Variants in BAHCC1 observed in about 807,000 individuals in gnomAD.
The protein encoded by BAHCC1 is BAH and coiled-coil domain-containing protein 1.
In BAHCC1, 43 loss-of-function variants were observed where a neutral mutation model predicts 88.2. That is an observed-to-expected ratio of 0.49 (90% CI 0.38 to 0.63). BAHCC1 has a LOEUF of 0.63. Among genes scored for constraint, BAHCC1 ranks in the 20% least tolerant of loss-of-function variants. BAHCC1 has a pLI of 0.00. For missense variants in BAHCC1, 3,023 were observed against 1,654.8 expected, an observed-to-expected ratio of 1.83 and a Z score of -14.34; for synonymous variants, 1,510 against 745.5, an observed-to-expected ratio of 2.03 and a Z score of -16.71.
intron 11 of BAHCC1, among the ~76,000 whole-genome samples, chr17:81,449,405 G>A (rs1339356854): frequency 1.3e-5 from 2 of 152,192 alleles, no homozygotes; most frequent in East Asian, 1.9e-4. Context: ...TAGGAGGTTG[G>A]TTTTGTCCTG....
chr17:81,400,152 C>T (rs900393589), intron 2 of BAHCC1, among the ~76,000 whole-genome samples: 1 of 151,974 alleles, frequency 6.6e-6, no homozygotes, highest in Non-Finnish European at 1.5e-5. Context: ...GAGGGGCAGC[C>T]CCGGAGCCGG....
chr17:81,419,367 G>A (rs1229868070), intron 2 of BAHCC1, among the ~76,000 whole-genome samples: 2 of 152,268 alleles, frequency 1.3e-5, no homozygotes, highest in African/African-American at 4.8e-5. Flanking sequence ...CCTGTGCAGG[G>A]CGGCTTCCTC....
At chr17:81,451,332 G>A (rs185756602) in intron 11 of BAHCC1, 58 of 279,148 alleles carry the variant, frequency 2.1e-4, no homozygotes, top group African/African-American at 9.9e-4. Flanking sequence ...CCCCCCGGTG[G>A]GGGGACACAC....
chr17:81,401,291 T>A (rs900000073), intron 2 of BAHCC1: 5 of 152,686 alleles, frequency 3.3e-5, no homozygotes, highest in Admixed American at 2.6e-4. Flanking sequence ...TGGAGGGGTC[T>A]CCCCAGCACT....
At chr17:81,423,222 C>G (rs1301688290) in intron 2 of BAHCC1, among the ~76,000 whole-genome samples, 1 of 152,014 alleles carries the variant, frequency 6.6e-6, no homozygotes, top group Non-Finnish European at 1.5e-5. Context: ...GCTGCCATGA[C>G]TGGGAGAGGC....
rs1363265985 is a variant in BAHCC1, at chr17:81,399,138, T to TGTG, written c.-206-395_-206-393dup. ...GAGGGTGTGCGTGTGAGTGTGTGTG[T>TGTG]GTGTGTGTGTGTGTGCGAGTGTGCG... On this transcript the variant is annotated intron_variant, in intron 1 of 27. Coordinates refer to ENST00000675386, the MANE Select transcript of BAHCC1 (RefSeq NM_001377448.1). This position sits in a 1 kb window ranked among gnomAD's most constrained non-coding sequence, Gnocchi z 4.5. The TGTG allele has an allele frequency of 1.4e-5, 5 of 352,888 alleles. No homozygotes were observed. Among genetic ancestry groups the TGTG allele is most frequent in the African/African-American group, 2.4e-5 (1 of 41,670 alleles). The allele number at this position is 352,888 out of a possible 1,614,324, so 21.9% of individuals were successfully genotyped here.
chr17:81,399,128 AGT>A lies in BAHCC1; in HGVS notation c.-206-382_-206-381del, dbSNP rs375191474. The A allele has an allele frequency of 9.0e-3, 2,072 of 230,494 alleles. 11 individuals are homozygous for A. Among genetic ancestry groups the A allele is most frequent in the Middle Eastern group, 0.015 (14 of 934 alleles). 14.3% of individuals were successfully genotyped at this position (230,494 alleles called of 1,614,324 possible). ...GGGGAGGGGAGAGGGTGTGCGTGTG[AGT>A]GTGTGTGTGTGTGTGTGTGTGTGCG... On this transcript the variant is annotated intron_variant, in intron 1 of 27. Coordinates refer to ENST00000675386, the MANE Select transcript of BAHCC1 (RefSeq NM_001377448.1). This position sits in a 1 kb window ranked among gnomAD's most constrained non-coding sequence, Gnocchi z 4.5.
At position 81,435,190 on chromosome 17, in the gene BAHCC1, G is replaced by A. The variant is rs1555651535; in HGVS notation, c.359-3180G>A. 1.3e-5 allele frequency among the ~76,000 whole-genome samples: 2 copies of A among 152,096 alleles called. No individual in the cohort carries two copies. The highest frequency in any genetic ancestry group is 2.9e-5 in the Non-Finnish European group (2 of 68,002). On this transcript the variant is annotated intron_variant, in intron 3 of 27. Transcript: ENST00000675386. This position sits in a 1 kb window ranked among gnomAD's most constrained non-coding sequence, Gnocchi z 4.4. ...AACCCTTGACCTCCCCAGACGTGGTGAGCTCAGGCCTGGGGGTGGTTGGGA... is the reference window on the plus strand; with the variant it reads ...AACCCTTGACCTCCCCAGACGTGGTAAGCTCAGGCCTGGGGGTGGTTGGGA...
chr17:81,457,442 C>A lies in BAHCC1; in HGVS notation c.4891C>A (p.Leu1631Ile). The A allele has an allele frequency of 1.3e-6, 1 of 772,534 alleles. No homozygotes were observed. Among genetic ancestry groups the A allele is most frequent in the South Asian group, 1.4e-5 (1 of 73,138 alleles). 47.9% of individuals were successfully genotyped at this position (772,534 alleles called of 1,614,324 possible). A position where few individuals can be genotyped will look rare whatever the true frequency, so the allele number is the denominator to read the frequency against. Residue 1631 changes from leucine (L) to isoleucine (I), a missense_variant, in exon 17 of 28, where the codon CTC (leucine) becomes ATC (isoleucine). By Grantham distance (5) the Leu-to-Ile change is conservative (BLOSUM62 2). Transcript: ENST00000675386. The stretch of plus-strand genomic sequence containing the variant: ...CTATGACAGTGAGGACTGCGAGGGT[C>A]TCCTGGGGACAGAGGCACCACCCAG... ...SGYDSEDCEG[L>I]LGTEAPPREA... is the part of the protein sequence containing the mutation.
At chr17:81,426,039 TGTGGCTCGTGGTGGTGGTGGTGGGTG>T (rs2064191108) in intron 2 of BAHCC1, among the ~76,000 whole-genome samples, 2 of 147,338 alleles carry the variant, frequency 1.4e-5, no homozygotes, top group South Asian at 2.2e-4. Flanking sequence ...TTGGTGGTGA[TGTGGCTCGTGGTGGTGGTGGTGGGTG>T]ATGTGGTTGG....
chr17:81,407,993 C>T (rs1471899606), intron 2 of BAHCC1, among the ~76,000 whole-genome samples: 4 of 152,194 alleles, frequency 2.6e-5, no homozygotes, highest in African/African-American at 2.4e-5. Flanking sequence ...CTCCTGGCTC[C>T]TGGTTCCTGG....
At position 81,418,796 on chromosome 17, in the gene BAHCC1, C is replaced by CGCGTGCAT. The variant is rs1555649116; in HGVS notation, c.179-8003_179-8002insCGTGCATG. On this transcript the variant is annotated intron_variant, in intron 2 of 27. Coordinates refer to ENST00000675386, the MANE Select transcript of BAHCC1 (RefSeq NM_001377448.1). The stretch of plus-strand genomic sequence containing the variant: ...GTGTACGTGTGTGTGTACGTGTGTG[C>CGCGTGCAT]GTGTGTGTGTGTACGTGTGTGTGTG... 4.8e-3 allele frequency among the ~76,000 whole-genome samples: 695 copies of CGCGTGCAT among 144,912 alleles called. 8 individuals carry two copies. The highest frequency in any genetic ancestry group is 0.017 in the African/African-American group (643 of 37,940).
intron 6 of BAHCC1, 196 bp downstream of exon 6, chr17:81,444,113 G>T (rs537846496): frequency 5.1e-5 from 31 of 604,098 alleles, no homozygotes; most frequent in Non-Finnish European, 6.2e-5. Context: ...TTAACCCCTT[G>T]CAGCGGTCAG....
chr17:81,423,281 TG>T (rs1319498376), intron 2 of BAHCC1, among the ~76,000 whole-genome samples: 1 of 152,106 alleles, frequency 6.6e-6, no homozygotes, highest in African/African-American at 2.4e-5. Flanking sequence ...GAAGGGGCCT[TG>T]GGGGCCCTGG....
rs782442782 is a variant in BAHCC1 at position 81,399,812 on chromosome 17, G to A, written c.73G>A (p.Ala25Thr). 1.5e-6 allele frequency: 2 copies of A among 1,314,514 alleles called. No individual in the cohort carries two copies. Among genetic ancestry groups the A allele is most frequent in the Admixed American group, 4.0e-5 (1 of 25,162 alleles). The allele number at this position is 1,314,514 out of a possible 1,614,324, so 81.4% of individuals were successfully genotyped here. A position where few individuals can be genotyped will look rare whatever the true frequency, so the allele number is the denominator to read the frequency against. The change falls in exon 2 of 28, where the codon GCT (alanine) becomes ACT (threonine). Residue 25 changes from alanine (A) to threonine (T), a missense_variant. Transcript: ENST00000675386. This position sits in a 1 kb window ranked among gnomAD's most constrained non-coding sequence, Gnocchi z 4.5. ...ERGSLGHRSA[A>T]AAARLAPAGP... ...CGGGAGCCTGGGCCACCGCAGCGCC[G>A]CTGCCGCCGCGCGTCTCGCCCCGGC...
chr17:81,430,855 T>C (rs2064252180), intron 3 of BAHCC1, among the ~76,000 whole-genome samples: 1 of 152,058 alleles, frequency 6.6e-6, no homozygotes, highest in Non-Finnish European at 1.5e-5. Flanking sequence ...CTGACGTTTC[T>C]ACCACATCTA....
At chr17:81,412,651 C>T (rs553937015) in intron 2 of BAHCC1, among the ~76,000 whole-genome samples, 16 of 152,336 alleles carry the variant, frequency 1.1e-4, no homozygotes, top group East Asian at 5.8e-4. Context: ...TGGCCCTTCC[C>T]GTACCTTCCC....
rs1404741091 is a variant in BAHCC1 at position 81,425,765 on chromosome 17, GTGATGTGGTTGGTGA to G, written c.179-1023_179-1009del. The stretch of plus-strand genomic sequence containing the variant: ...TGTGGTTGGTGTGATGTGGTTGGTG[GTGATGTGGTTGGTGA>G]TGATGTGGTTGAGGGTGATGGTGGG... On this transcript the variant is annotated intron_variant, in intron 2 of 27. Coordinates refer to ENST00000675386, the MANE Select transcript of BAHCC1 (RefSeq NM_001377448.1). 2.7e-3 allele frequency among the ~76,000 whole-genome samples: 370 copies of G among 134,908 alleles called. 4 individuals carry two copies. The highest frequency in any genetic ancestry group is 9.7e-3 in the African/African-American group (343 of 35,262). 88.5% of individuals were successfully genotyped at this position (134,908 alleles called of 152,430 possible). A position where few individuals can be genotyped will look rare whatever the true frequency, so the allele number is the denominator to read the frequency against.
chr17:81,442,955 C>T lies in BAHCC1; in HGVS notation c.1606C>T (p.Pro536Ser), dbSNP rs530051904. 6 of 779,140 alleles carry T rather than the reference C, an allele frequency of 7.7e-6. No individual in the cohort carries two copies. In the East Asian group the frequency reaches 1.5e-4, roughly 19 times the overall value. The allele number at this position is 779,140 out of a possible 1,614,324, so 48.3% of individuals were successfully genotyped here. ...TVGKEAPAGP[P>S]GAQKVARIRH... The stretch of plus-strand genomic sequence containing the variant: ...TGGCAAGGAAGCCCCGGCCGGCCCC[C>T]CAGGGGCACAGAAGGTGGCCCGCAT... Residue 536 changes from proline (P) to serine (S), a missense_variant, in exon 5 of 28, where the codon CCA (proline) becomes TCA (serine). Pro to Ser is a moderately conservative substitution (Grantham distance 74). Coordinates refer to ENST00000675386, the MANE Select transcript of BAHCC1 (RefSeq NM_001377448.1).
Sources: allele counts gnomAD v4.1 joint callset (sites outside exome capture counted in the v4.1 genomes callset), GRCh38; gene constraint gnomAD v4.1.1; non-coding constraint Gnocchi (gnomAD v3.1); transcripts MANE v1.5; gene names NCBI Gene and HGNC (gene_info 2026-07-23, HGNC 2026-07-21).